OSBPL9: variants seen among roughly 807,000 people sequenced by gnomAD.
OSBPL9 encodes oxysterol binding protein like 9.
In OSBPL9, 40 loss-of-function variants were observed where a neutral mutation model predicts 106.6. The observed-to-expected ratio is 0.38, with a 90% confidence interval of 0.29 to 0.49. The LOEUF (loss-of-function observed/expected upper bound fraction) is 0.49, where lower values mean the gene tolerates loss of function less well. OSBPL9 is among the 20% of genes least tolerant of loss of function. OSBPL9 has a pLI of 0.97. For missense variants in OSBPL9, 609 were observed against 887.2 expected, an observed-to-expected ratio of 0.69 and a Z score of 3.98; for synonymous variants, 269 against 295.4, an observed-to-expected ratio of 0.91 and a Z score of 0.92.
rs541178834 is a variant in OSBPL9, at chr1:51,620,572, G to A, written c.111+3351G>A. ...CTTGAATGATGAGGAGAGATTAGCC[G>A]TATGAGCAGAGAGGGAAAAGTGCTT... On this transcript the variant is annotated intron_variant, in intron 1 of 23. Transcript: ENST00000428468. Among the ~76,000 whole-genome samples the A allele has an allele frequency of 1.1e-4, 16 of 152,238 alleles. 1 individual carries two copies. The South Asian group carries it at 1.2e-3, about 12-fold the overall frequency.
Position 51,788,864 on chromosome 1 carries a change from T to TA in OSBPL9, c.*1075_*1076insA, listed in dbSNP as rs1678350819. Among the ~76,000 whole-genome samples, 1 of 152,048 alleles carries TA rather than the reference T, an allele frequency of 6.6e-6. No individual in the cohort carries two copies. The highest frequency in any genetic ancestry group is 2.4e-5 in the African/African-American group (1 of 41,346). On this transcript the variant is annotated 3_prime_UTR_variant, in exon 24 of 24. Coordinates refer to ENST00000428468, the MANE Select transcript of OSBPL9 (RefSeq NM_024586.6). ...TATCTATCTATCTATCTATCATCTT[T>TA]TTTATTTAAAAATACATTAAAAAAA...
chr1:51,715,589 G>A (rs929243395), intron 4 of OSBPL9, among the ~76,000 whole-genome samples: 1 of 152,040 alleles, frequency 6.6e-6, no homozygotes, highest in East Asian at 1.9e-4. Flanking sequence ...TAAGAGGGGA[G>A]GATAAGTGTT....
chr1:51,608,503 T>C (rs1570541780), intron 2 of OSBPL9, among the ~76,000 whole-genome samples: 1 of 152,066 alleles, frequency 6.6e-6, no homozygotes, highest in East Asian at 1.9e-4. Flanking sequence ...TTTCACCATG[T>C]TGGCCTGGCT....
At chr1:51,558,084 T>G in the OSBPL9 span, among the ~76,000 whole-genome samples, 8 of 152,064 alleles carry the variant, frequency 5.3e-5, no homozygotes, top group Non-Finnish European at 1.0e-4. Context: ...ATCAAGACCA[T>G]CCTGGCTAAC....
the OSBPL9 span, among the ~76,000 whole-genome samples, chr1:51,530,740 G>A: frequency 6.6e-6 from 1 of 152,100 alleles, no homozygotes; most frequent in South Asian, 2.1e-4. Flanking sequence ...GCTCACACCT[G>A]TAGTCCCAGT....
At chr1:51,558,463 T>G in the OSBPL9 span, among the ~76,000 whole-genome samples, 1 of 152,132 alleles carries the variant, frequency 6.6e-6, no homozygotes, top group South Asian at 2.1e-4. Context: ...CTAAGATTGG[T>G]ATTTGAGGTA....
At chr1:51,697,362 G>A (rs529988176) in intron 3 of OSBPL9, among the ~76,000 whole-genome samples, 4 of 151,436 alleles carry the variant, frequency 2.6e-5, no homozygotes, top group Non-Finnish European at 1.5e-5. Flanking sequence ...CAGTGTCTCA[G>A]CAGTTAATCT....
intron 4 of OSBPL9, among the ~76,000 whole-genome samples, chr1:51,723,461 C>G (rs150935133): frequency 7.2e-5 from 11 of 152,278 alleles, no homozygotes; most frequent in African/African-American, 2.6e-4. Context: ...TCATCCTCAT[C>G]TTTTCATGGC....
chr1:51,743,719 C>CA (rs1016123867), intron 4 of OSBPL9, among the ~76,000 whole-genome samples: 1 of 151,876 alleles, frequency 6.6e-6, no homozygotes, highest in Non-Finnish European at 1.5e-5. Context: ...GAAACAAAAC[C>CA]AAAAAACAAG....
intron 14 of OSBPL9, among the ~76,000 whole-genome samples, chr1:51,773,569 GT>G (rs1192648721): frequency 6.6e-6 from 1 of 152,166 alleles, no homozygotes; most frequent in Non-Finnish European, 1.5e-5. Flanking sequence ...TACTGCCTTT[GT>G]CTTGAAGGCT....
intron 17 of OSBPL9, 141 bp from the exon 18 acceptor site, chr1:51,783,774 G>A: frequency 1.6e-6 from 1 of 636,244 alleles, no homozygotes; most frequent in Non-Finnish European, 2.8e-6. Context: ...ATAAAAGGCA[G>A]GTAGGTACCT....
At chr1:51,608,491 G>T (rs1379142780) in intron 2 of OSBPL9, among the ~76,000 whole-genome samples, 1 of 151,534 alleles carries the variant, frequency 6.6e-6, no homozygotes, top group African/African-American at 2.4e-5. Context: ...GTAGAGAAAG[G>T]GTTTCACCAT....
chr1:51,788,828 A>G lies in OSBPL9; in HGVS notation c.*1039A>G, dbSNP rs900175269. 6.7e-6 allele frequency among the ~76,000 whole-genome samples: 1 copy of G among 149,596 alleles called. No homozygotes were observed. Among genetic ancestry groups the G allele is most frequent in the Non-Finnish European group, 1.5e-5 (1 of 67,310 alleles). ...AGCAGATGGCTCATTCTGAAGGGAA[A>G]TACAGAACTATATCTATCTATCTAT... is the stretch of plus-strand genomic sequence containing the variant. On this transcript the variant is annotated 3_prime_UTR_variant, in exon 24 of 24. Coordinates refer to ENST00000428468, the MANE Select transcript of OSBPL9 (RefSeq NM_024586.6).
At chr1:51,614,974 A>G (rs1336365488), upstream of OSBPL9, among the ~76,000 whole-genome samples, 1 of 152,090 alleles carries the variant, frequency 6.6e-6, no homozygotes, top group Non-Finnish European at 1.5e-5. Context: ...AGAAGTAGAA[A>G]CTCCGCCCAG....
At chr1:51,545,164 T>C in the OSBPL9 span, among the ~76,000 whole-genome samples, 2 of 152,126 alleles carry the variant, frequency 1.3e-5, no homozygotes, top group Non-Finnish European at 2.9e-5. Context: ...CTTAAAGAGA[T>C]AGATTAAAAA....
At chr1:51,618,241 A>G (rs1279781026) in intron 1 of OSBPL9, among the ~76,000 whole-genome samples, 1 of 149,846 alleles carries the variant, frequency 6.7e-6, no homozygotes, top group Non-Finnish European at 1.5e-5. Context: ...CTGGTCTTGA[A>G]CTCCTGACCT....
intron 8 of OSBPL9, among the ~76,000 whole-genome samples, chr1:51,751,721 G>A (rs1345465907): frequency 2.0e-5 from 3 of 152,188 alleles, no homozygotes; most frequent in Non-Finnish European, 4.4e-5. Context: ...CTGATACAGT[G>A]TTTAAGCCAG....
rs370221736 is a variant in OSBPL9 at position 51,781,343 on chromosome 1, C to A, written c.1428+8C>A. The A allele has an allele frequency of 3.5e-5, 57 of 1,611,238 alleles. No individual in the cohort carries two copies. The highest frequency in any genetic ancestry group is 4.6e-5 in the Non-Finnish European group (54 of 1,177,892). On this transcript the variant is annotated splice_region_variant and intron_variant, in intron 16 of 23. Transcript: ENST00000428468. ...GATACTGAAGAGAACACAGTGAGTT[C>A]TGCATTGACATTTTTAAATTATCTT...
At chr1:51,601,861 G>T (rs1645326274) in intron 2 of OSBPL9, among the ~76,000 whole-genome samples, 1 of 152,034 alleles carries the variant, frequency 6.6e-6, no homozygotes, top group South Asian at 2.1e-4. Context: ...TGTGCAGAAG[G>T]TATTCTTATC....
Sources: allele counts gnomAD v4.1 joint callset (sites outside exome capture counted in the v4.1 genomes callset), GRCh38; gene constraint gnomAD v4.1.1; transcripts MANE v1.5; gene names NCBI Gene and HGNC (gene_info 2026-07-23, HGNC 2026-07-21).